Variants in DAB1 observed in about 807,000 individuals in gnomAD.
DAB1 encodes the protein disabled homolog 1.
DAB1 carries 15 observed loss-of-function variants against 64.6 expected under a neutral mutation model. The ratio of observed to expected loss-of-function variants is 0.23; its 90% CI spans 0.16 to 0.36. DAB1 has a LOEUF of 0.36. Ranked by LOEUF, DAB1 falls within the 10% of genes least tolerant of loss-of-function variation. The probability of loss-of-function intolerance (pLI) is 1.00; values close to 1 mark genes in which losing one functional copy is unlikely to be tolerated. For missense variants in DAB1, 596 were observed against 706.7 expected, an observed-to-expected ratio of 0.84 and a Z score of 1.78; for synonymous variants, 235 against 251.9, an observed-to-expected ratio of 0.93 and a Z score of 0.64.
intron 1 of DAB1, among the ~76,000 whole-genome samples, chr1:57,321,837 C>G (rs1675745114): frequency 6.6e-6 from 1 of 151,736 alleles, no homozygotes; most frequent in South Asian, 2.1e-4. Context: ...GTCATCATCA[C>G]CAACAAAATT....
At chr1:58,389,044 T>G (rs1331769248) in intron 3 of DAB1, among the ~76,000 whole-genome samples, 2 of 152,198 alleles carry the variant, frequency 1.3e-5, no homozygotes, top group Non-Finnish European at 2.9e-5. Flanking sequence ...GAGGACAGCC[T>G]AATAGCAGTC....
chr1:57,538,380 A>G (rs922442709), intron 7 of DAB1, among the ~76,000 whole-genome samples: 17 of 152,250 alleles, frequency 1.1e-4, no homozygotes, highest in Admixed American at 8.5e-4. Flanking sequence ...CACATCCTGT[A>G]AGGCCTTCTA....
At chr1:57,519,878 T>G (rs1404298524) in intron 7 of DAB1, among the ~76,000 whole-genome samples, 1 of 152,210 alleles carries the variant, frequency 6.6e-6, no homozygotes, top group Non-Finnish European at 1.5e-5. Flanking sequence ...TATATGCTCA[T>G]TATAGAAAAC....
rs1450289555 is a variant in DAB1, at chr1:57,722,911, C to T, written n.552-73246G>A. On this transcript the variant is annotated intron_variant and non_coding_transcript_variant, in intron 6 of 20. Transcript: ENST00000485760. ...TAAATCTCCCCAACTGAGAGAAGCA[C>T]AGTTAACCCACCACTCCAAGGTATC... Among the ~76,000 whole-genome samples, 3 of 152,176 alleles carry T rather than the reference C, an allele frequency of 2.0e-5. No individual in the cohort carries two copies. The East Asian group carries it at 5.8e-4, about 29-fold the overall frequency.
intron 3 of DAB1, among the ~76,000 whole-genome samples, chr1:58,393,973 T>C (rs549032409): frequency 5.9e-5 from 9 of 152,316 alleles, no homozygotes; most frequent in African/African-American, 2.2e-4. Flanking sequence ...CATCATGTCA[T>C]GCCCCATAAA....
intron 3 of DAB1, among the ~76,000 whole-genome samples, chr1:58,394,980 CAA>C (rs199633249): frequency 7.3e-6 from 1 of 137,410 alleles, no homozygotes. Flanking sequence ...ATAGAGGAAG[CAA>C]AAAAAAAAAT....
chr1:57,296,412 G>C (rs1339862084), intron 1 of DAB1, among the ~76,000 whole-genome samples: 1 of 152,100 alleles, frequency 6.6e-6, no homozygotes, highest in African/African-American at 2.4e-5. Context: ...CTAATACTTA[G>C]ATTTTGGTTT....
intron 3 of DAB1, among the ~76,000 whole-genome samples, chr1:58,359,845 G>A (rs746150429): frequency 2.0e-5 from 3 of 152,188 alleles, no homozygotes; most frequent in Admixed American, 6.5e-5. Flanking sequence ...CACTGAAAGT[G>A]TACAAGTTTG....
At chr1:58,281,971 C>T (rs1282361718) in intron 4 of DAB1, among the ~76,000 whole-genome samples, 1 of 152,054 alleles carries the variant, frequency 6.6e-6, no homozygotes, top group Non-Finnish European at 1.5e-5. Context: ...TCATCATTAC[C>T]ATCATCACAT....
intron 1 of DAB1, among the ~76,000 whole-genome samples, chr1:57,838,354 T>A (rs986539433): frequency 6.6e-6 from 1 of 152,226 alleles, no homozygotes; most frequent in Non-Finnish European, 1.5e-5. Context: ...AAGTTGAGAA[T>A]GATTTATTTG....
intron 4 of DAB1, among the ~76,000 whole-genome samples, chr1:57,134,020 TG>T (rs2100788983): frequency 1.3e-5 from 2 of 152,328 alleles, no homozygotes; most frequent in South Asian, 4.1e-4. Context: ...AATTAGTCTC[TG>T]GACTCAACTT....
chr1:57,035,387 AC>A (rs1360980351), intron 9 of DAB1, among the ~76,000 whole-genome samples: 2 of 151,794 alleles, frequency 1.3e-5, no homozygotes, highest in Non-Finnish European at 2.9e-5. Flanking sequence ...GGCTCATAAA[AC>A]CCCCCACCAT....
At chr1:58,469,520 T>TA (rs1416341269) in intron 3 of DAB1, among the ~76,000 whole-genome samples, 1 of 152,232 alleles carries the variant, frequency 6.6e-6, no homozygotes, top group Non-Finnish European at 1.5e-5. Context: ...CTTAGGGCCT[T>TA]AGTTCTGTAA....
At chr1:57,637,070 A>C (rs1384998614) in intron 7 of DAB1, among the ~76,000 whole-genome samples, 1 of 152,138 alleles carries the variant, frequency 6.6e-6, no homozygotes, top group Non-Finnish European at 1.5e-5. Flanking sequence ...CAATCTCACA[A>C]TATTTTTCTT....
At chr1:57,590,567 G>A (rs1014580562) in intron 7 of DAB1, among the ~76,000 whole-genome samples, 16 of 151,874 alleles carry the variant, frequency 1.1e-4, no homozygotes, top group Non-Finnish European at 1.9e-4. Context: ...TCTTAACCTC[G>A]TGATCTGCAC....
chr1:58,148,763 C>T (rs1452959469), intron 5 of DAB1, among the ~76,000 whole-genome samples: 1 of 135,260 alleles, frequency 7.4e-6, no homozygotes, highest in Non-Finnish European at 1.5e-5. Context: ...ATGAGAGCAG[C>T]ACAGAAATCA....
intron 3 of DAB1, among the ~76,000 whole-genome samples, chr1:58,496,014 C>T (rs888712412): frequency 6.6e-6 from 1 of 152,064 alleles, no homozygotes; most frequent in Non-Finnish European, 1.5e-5. Flanking sequence ...TGGGAATCTC[C>T]TAAAAACCCA....
At chr1:57,551,062 T>C (rs1477884971) in intron 7 of DAB1, among the ~76,000 whole-genome samples, 1 of 151,978 alleles carries the variant, frequency 6.6e-6, no homozygotes, top group Non-Finnish European at 1.5e-5. Context: ...TGAAATCAGG[T>C]GCGATGACAC....
intron 6 of DAB1, among the ~76,000 whole-genome samples, chr1:57,682,082 C>G (rs900273020): frequency 6.6e-6 from 1 of 151,830 alleles, no homozygotes; most frequent in African/African-American, 2.4e-5. Flanking sequence ...GGAACACCAG[C>G]AACAATAAAG....
Sources: allele counts gnomAD v4.1 joint callset (sites outside exome capture counted in the v4.1 genomes callset), GRCh38; gene constraint gnomAD v4.1.1; transcripts MANE v1.5; gene names NCBI Gene and HGNC (gene_info 2026-07-23, HGNC 2026-07-21).